SPMIP2: variants seen among roughly 807,000 people sequenced by gnomAD.
The protein encoded by SPMIP2 is sperm microtubule inner protein 2.
chr4:158,921,227 TCC>T, the SPMIP2 span, among the ~76,000 whole-genome samples: 1 of 152,070 alleles, frequency 6.6e-6, no homozygotes, highest in South Asian at 2.1e-4. Flanking sequence ...TCACCAGAGG[TCC>T]GGAGTACAAG....
chr4:158,962,680 T>C, the SPMIP2 span, among the ~76,000 whole-genome samples: 1 of 152,182 alleles, frequency 6.6e-6, no homozygotes, highest in African/African-American at 2.4e-5. Context: ...GGTCACCAAA[T>C]TGCATAATGT....
the SPMIP2 span, among the ~76,000 whole-genome samples, chr4:159,025,172 G>A: frequency 7.9e-5 from 12 of 152,164 alleles, no homozygotes; most frequent in East Asian, 2.1e-3. Context: ...TGGAAATGCC[G>A]ACTCTCAAGC....
At chr4:158,976,503 T>C in the SPMIP2 span, among the ~76,000 whole-genome samples, 3 of 152,084 alleles carry the variant, frequency 2.0e-5, no homozygotes, top group Non-Finnish European at 4.4e-5. Context: ...GAAGGGGGGT[T>C]GAATTTTATG....
the SPMIP2 span, among the ~76,000 whole-genome samples, chr4:158,895,405 T>A: frequency 6.6e-6 from 1 of 152,224 alleles, no homozygotes. Flanking sequence ...CTATAAAAAT[T>A]ATATCAAGAA....
chr4:159,064,653 T>C, the SPMIP2 span, among the ~76,000 whole-genome samples: 1 of 152,206 alleles, frequency 6.6e-6, no homozygotes, highest in South Asian at 2.1e-4. Context: ...TCCCAAATTC[T>C]ATTTTAATGT....
chr4:159,025,119 G>A, the SPMIP2 span, among the ~76,000 whole-genome samples: 1 of 152,212 alleles, frequency 6.6e-6, no homozygotes, highest in Admixed American at 6.5e-5. Flanking sequence ...TACTCAAAAT[G>A]TGGTCTGGGA....
chr4:158,900,927 T>C, the SPMIP2 span, among the ~76,000 whole-genome samples: 1 of 152,174 alleles, frequency 6.6e-6, no homozygotes, highest in Non-Finnish European at 1.5e-5. Flanking sequence ...TTCTTCATAG[T>C]GTTGATGGTC....
At chr4:159,036,722 A>G in the SPMIP2 span, among the ~76,000 whole-genome samples, 6 of 152,198 alleles carry the variant, frequency 3.9e-5, no homozygotes, top group African/African-American at 1.4e-4. Flanking sequence ...GTGGGCAACT[A>G]GAGTCAGTCG....
chr4:159,047,664 C>G, the SPMIP2 span, among the ~76,000 whole-genome samples: 1 of 152,142 alleles, frequency 6.6e-6, no homozygotes, highest in African/African-American at 2.4e-5. Flanking sequence ...AAAACCCCAG[C>G]GAAGTAGTAT....
chr4:159,007,030 T>G, the SPMIP2 span: 1 of 428,886 alleles, frequency 2.3e-6, no homozygotes, highest in Non-Finnish European at 4.5e-6. Flanking sequence ...AAAGTTTTGA[T>G]GCCGGCAGTA....
At chr4:158,935,779 G>A in the SPMIP2 span, among the ~76,000 whole-genome samples, 1 of 152,224 alleles carries the variant, frequency 6.6e-6, no homozygotes, top group African/African-American at 2.4e-5. Flanking sequence ...AGTGAGGAAA[G>A]GACTGGCTGT....
chr4:158,956,522 C>T, the SPMIP2 span, among the ~76,000 whole-genome samples: 7 of 152,142 alleles, frequency 4.6e-5, no homozygotes, highest in African/African-American at 1.4e-4. Context: ...GAGATCGCGC[C>T]GTTGCACTCC....
the SPMIP2 span, among the ~76,000 whole-genome samples, chr4:159,010,156 G>C: frequency 6.6e-6 from 1 of 152,182 alleles, no homozygotes. Context: ...TTGGTTGTTT[G>C]AAAATCACAT....
the SPMIP2 span, chr4:159,035,221 G>GTT: frequency 1.4e-6 from 1 of 708,390 alleles, no homozygotes; most frequent in South Asian, 1.8e-5. Flanking sequence ...GCACCAGGTG[G>GTT]TTGCTAATGA....
At chr4:158,919,757 CA>C in the SPMIP2 span, among the ~76,000 whole-genome samples, 1 of 152,222 alleles carries the variant, frequency 6.6e-6, no homozygotes, top group East Asian at 1.9e-4. Flanking sequence ...AATCCATCAC[CA>C]ACATTGTTCA....
the SPMIP2 span, among the ~76,000 whole-genome samples, chr4:158,894,377 GC>G: frequency 2.0e-5 from 3 of 151,934 alleles, no homozygotes; most frequent in Non-Finnish European, 4.4e-5. Context: ...TCACTATGTT[GC>G]CTAGGTTGGT....
chr4:159,007,560 A>G, the SPMIP2 span: 1 of 1,091,822 alleles, frequency 9.2e-7, no homozygotes, highest in South Asian at 1.2e-5. Flanking sequence ...GGTGCTGGAG[A>G]GGGTGAATGC....
the SPMIP2 span, among the ~76,000 whole-genome samples, chr4:159,025,698 C>G: frequency 6.6e-6 from 1 of 152,028 alleles, no homozygotes; most frequent in Non-Finnish European, 1.5e-5. Context: ...ATCAACTTCT[C>G]AAGAGAAAAA....
the SPMIP2 span, among the ~76,000 whole-genome samples, chr4:158,988,783 T>C: frequency 6.6e-6 from 1 of 152,152 alleles, no homozygotes; most frequent in Non-Finnish European, 1.5e-5. Context: ...AATATCATAC[T>C]GAATGGCCAA....
Sources: gnomAD v4.1 joint callset for allele counts (sites outside exome capture counted in the v4.1 genomes callset) on GRCh38, gnomAD v4.1.1 for gene constraint, MANE v1.5 for transcripts, NCBI Gene and HGNC (gene_info 2026-07-23, HGNC 2026-07-21) for gene names.